Variants in DLGAP3 observed in about 807,000 individuals in gnomAD.
DLGAP3 encodes DLG associated protein 3, also known as disks large-associated protein 3.
DLGAP3 carries 17 observed loss-of-function variants against 81.2 expected under a neutral mutation model. That is an observed-to-expected ratio of 0.21 (90% CI 0.14 to 0.31). The LOEUF is 0.31. DLGAP3 is among the 10% of genes least tolerant of loss of function. The pLI, the probability that DLGAP3 is intolerant of heterozygous loss-of-function variation, is 1.00. For missense variants in DLGAP3, 1,124 were observed against 1,388.0 expected, an observed-to-expected ratio of 0.81 and a Z score of 3.02; for synonymous variants, 577 against 587.4, an observed-to-expected ratio of 0.98 and a Z score of 0.26.
chr1:34,906,016 T>TTATTTATATATATATATATATATA (rs1553123745), intron 2 of DLGAP3, among the ~76,000 whole-genome samples: 6 of 64,808 alleles, frequency 9.3e-5, no homozygotes, highest in Non-Finnish European at 1.7e-4. Flanking sequence ...GCCTCTAAAT[T>TTATTTATATATATATATATATATA]TATATATATA....
chr1:34,911,942 A>G (rs1639645953), intron 1 of DLGAP3, among the ~76,000 whole-genome samples: 1 of 152,170 alleles, frequency 6.6e-6, no homozygotes. Context: ...GCAAGTCACA[A>G]ACTCTCTTGA....
At chr1:34,891,199 T>C (rs931305205) in intron 5 of DLGAP3, among the ~76,000 whole-genome samples, 1 of 152,202 alleles carries the variant, frequency 6.6e-6, no homozygotes, top group Non-Finnish European at 1.5e-5. Flanking sequence ...AGCACGACTC[T>C]ATAGTATTCT....
In DLGAP3 at chr1:34,916,416, T is replaced by A. The variant is rs114399966; in HGVS notation, c.-134-8979A>T. ...GTCTAAGGTTAGGCTCCTGAATACC[T>A]ACAACTGTCCAGACCCAGTGTTAAG... On this transcript the variant is annotated intron_variant, in intron 1 of 11. Coordinates refer to ENST00000373347, the MANE Select transcript of DLGAP3 (RefSeq NM_001080418.3). 5.1e-3 allele frequency among the ~76,000 whole-genome samples: 781 copies of A among 152,348 alleles called. 6 individuals are homozygous for A. The highest frequency in any genetic ancestry group is 0.018 in the African/African-American group (742 of 41,582).
chr1:34,868,740 CG>C lies in DLGAP3; in HGVS notation c.2349del (p.Asp784ThrfsTer103). 6.2e-7 allele frequency: 1 copy of C among 1,608,586 alleles called. No homozygotes were observed. The stretch of plus-strand genomic sequence containing the variant: ...GGGCAGGGGGATGCGCGGCCTGAGT[CG>C]GGGAGGCTACGTGAACCGCGCTCTA... ...SWIERGSRSL[P>X]DSGRASPCPR... On this transcript the variant is annotated frameshift_variant, in exon 9 of 12. Transcript: ENST00000373347. LOFTEE classifies it high-confidence loss of function. The surrounding 1 kb of genome is among the most constrained non-coding windows in gnomAD (Gnocchi z 7.5).
rs1457038160 is a variant in DLGAP3, at chr1:34,867,217, A to G, written c.2578-26T>C. 5.0e-6 allele frequency: 8 copies of G among 1,613,938 alleles called. 1 individual carries two copies. Among genetic ancestry groups the G allele is most frequent in the South Asian group, 2.2e-5 (2 of 91,076 alleles). ...CTGCAACAGAGGAAGATGGAGGGAA[A>G]GTGATTGGTCAAGGAGGTCTGAGCC... On this transcript the variant is annotated intron_variant, in intron 10 of 11. Coordinates refer to ENST00000373347, the MANE Select transcript of DLGAP3 (RefSeq NM_001080418.3). The surrounding 1 kb of genome is among the most constrained non-coding windows in gnomAD (Gnocchi z 4.3).
At chr1:34,872,514 A>T (rs61776347) in intron 8 of DLGAP3, among the ~76,000 whole-genome samples, 48,903 of 152,122 alleles carry the variant, frequency 0.32, 8,680 homozygotes, top group Non-Finnish European at 0.42. Context: ...TAGGCAGAAT[A>T]ATAGCCACCA....
At position 34,868,567 on chromosome 1, in the gene DLGAP3, G is replaced by T; in HGVS notation, c.2485+38C>A. Reference sequence around the variant, plus strand: ...GTCTCCTGAGCACACACGAGGCCATGGTCCCCAGAGTCCCCTTGTTCCGAT... The same window carrying T: ...GTCTCCTGAGCACACACGAGGCCATTGTCCCCAGAGTCCCCTTGTTCCGAT... On this transcript the variant is annotated intron_variant, in intron 9 of 11. Transcript: ENST00000373347. The surrounding 1 kb of genome is among the most constrained non-coding windows in gnomAD (Gnocchi z 7.5). The T allele has an allele frequency of 6.4e-7, 1 of 1,569,760 alleles. No homozygotes were observed.
intron 1 of DLGAP3, among the ~76,000 whole-genome samples, chr1:34,915,893 C>G (rs1264709196): frequency 1.3e-5 from 2 of 152,214 alleles, no homozygotes. Flanking sequence ...CGGGTGTACT[C>G]TCTTCCAAGA....
At chr1:34,875,478 G>A (rs1466668178) in intron 8 of DLGAP3, among the ~76,000 whole-genome samples, 1 of 152,094 alleles carries the variant, frequency 6.6e-6, no homozygotes, top group Non-Finnish European at 1.5e-5. Context: ...GCATCCTGGT[G>A]GTTTTTGTTT....
chr1:34,910,370 G>A (rs564459416), intron 1 of DLGAP3, among the ~76,000 whole-genome samples: 40 of 152,214 alleles, frequency 2.6e-4, no homozygotes, highest in South Asian at 1.2e-3. Context: ...TTCTTACCCC[G>A]CTCCAATCCA....
At chr1:34,879,107 G>A (rs927127107) in intron 8 of DLGAP3, among the ~76,000 whole-genome samples, 3 of 151,454 alleles carry the variant, frequency 2.0e-5, no homozygotes, top group Non-Finnish European at 2.9e-5. Flanking sequence ...CAGAAGCTGC[G>A]GGGGGGCATA....
chr1:34,866,372 C>A, intron 11 of DLGAP3, 71 bp from the exon 12 acceptor site: 1 of 1,307,688 alleles, frequency 7.6e-7, no homozygotes, highest in Non-Finnish European at 1.0e-6. Context: ...GCCCCCGCAC[C>A]CCCGCGCCCA....
At position 34,900,181 on chromosome 1, in the gene DLGAP3, G is replaced by A. The variant is rs745578735; in HGVS notation, c.1200C>T (p.Ala400=). The A allele has an allele frequency of 1.2e-5, 20 of 1,614,020 alleles. No individual in the cohort carries two copies. In the East Asian group the frequency reaches 2.0e-4, roughly 16 times the overall value. ...AGTCTCCGCTCTCCTCATCCCCCAT[G>A]GCTTTGATGTAGCTGCCGCTCCGCA... ...RRMRSGSYIK[A]MGDEESGDSD... The change falls in exon 4 of 12, where the codon GCC becomes GCT. Residue 400 remains alanine, a synonymous_variant. Transcript: ENST00000373347. This position sits in a 1 kb window ranked among gnomAD's most constrained non-coding sequence, Gnocchi z 5.6.
Position 34,904,953 on chromosome 1 carries a change from C to T in DLGAP3, c.431G>A (p.Gly144Glu). The T allele has an allele frequency of 6.2e-7, 1 of 1,613,060 alleles. No homozygotes were observed. Among genetic ancestry groups the T allele is most frequent in the South Asian group, 1.1e-5 (1 of 91,044 alleles). ...DGFHTLPYQR[G>E]PAGAGPGPAP... ...TGGCCCGGGCCCTGCCCCTGCTGGC[C>T]CTCGCTGGTATGGTAGTGTGTGGAA... Residue 144 changes from glycine (G) to glutamate (E), a missense_variant, in exon 3 of 12, where the codon GGG becomes GAG. By Grantham distance (98) the Gly-to-Glu change is moderately conservative. Coordinates refer to ENST00000373347, the MANE Select transcript of DLGAP3 (RefSeq NM_001080418.3). The surrounding 1 kb of genome is among the most constrained non-coding windows in gnomAD (Gnocchi z 8.1).
In DLGAP3 at chr1:34,868,031, T is replaced by C. The variant is rs555117460; in HGVS notation, c.2486-404A>G. Among the ~76,000 whole-genome samples the C allele has an allele frequency of 6.6e-6, 1 of 152,348 alleles. No homozygotes were observed. The highest frequency in any genetic ancestry group is 2.1e-4 in the South Asian group (1 of 4,826). ...GCAAGACTCCTTGGCTCTTTAAGAA[T>C]GACCAAGTAATTTCATGTACATAAC... is the stretch of plus-strand genomic sequence containing the variant. On this transcript the variant is annotated intron_variant, in intron 9 of 11. Coordinates refer to ENST00000373347, the MANE Select transcript of DLGAP3 (RefSeq NM_001080418.3). This position sits in a 1 kb window ranked among gnomAD's most constrained non-coding sequence, Gnocchi z 7.5.
intron 11 of DLGAP3, among the ~76,000 whole-genome samples, chr1:34,866,628 A>G (rs1369921461): frequency 6.6e-6 from 1 of 152,212 alleles, no homozygotes; most frequent in Admixed American, 6.5e-5. Context: ...ATGAGGGTGC[A>G]CATACCAGGC....
chr1:34,868,737 A>G lies in DLGAP3; in HGVS notation c.2353T>C (p.Ser785Pro). ...CGTGGGCAGGGGGATGCGCGGCCTG[A>G]GTCGGGGAGGCTACGTGAACCGCGC... Reference protein sequence around the residue: ...IERGSRSLPDSGRASPCPRDG... With the variant: ...IERGSRSLPDPGRASPCPRDG... The change falls in exon 9 of 12, where the codon TCA becomes CCA. Residue 785 changes from serine to proline, a missense_variant. By Grantham distance (74) the Ser-to-Pro change is moderately conservative (BLOSUM62 -1). This residue lies in a region of DLGAP3 where 379 missense variants were observed against 455.7 expected (regional missense o/e 0.83). Transcript: ENST00000373347. This position sits in a 1 kb window ranked among gnomAD's most constrained non-coding sequence, Gnocchi z 7.5. 6.2e-7 allele frequency: 1 copy of G among 1,608,788 alleles called. No individual in the cohort carries two copies. Among genetic ancestry groups the G allele is most frequent in the Non-Finnish European group, 8.5e-7 (1 of 1,179,842 alleles).
In DLGAP3 at chr1:34,902,910, G is replaced by A. The variant is rs549578440; in HGVS notation, c.1107+1367C>T. 2.2e-4 allele frequency among the ~76,000 whole-genome samples: 34 copies of A among 152,120 alleles called. No individual in the cohort carries two copies. The highest frequency in any genetic ancestry group is 4.6e-4 in the Non-Finnish European group (31 of 68,002). ...CTATGGGGGAGAAAGGATGGGTGCT[G>A]CCTCCCTGCACCCTGCAGTTCCCAG... On this transcript the variant is annotated intron_variant, in intron 3 of 11. Transcript: ENST00000373347. This position sits in a 1 kb window ranked among gnomAD's most constrained non-coding sequence, Gnocchi z 4.4.
intron 5 of DLGAP3, among the ~76,000 whole-genome samples, chr1:34,896,504 G>A (rs1305004672): frequency 6.6e-6 from 1 of 151,824 alleles, no homozygotes; most frequent in Non-Finnish European, 1.5e-5. Flanking sequence ...CAGGAGAATC[G>A]CTTGAACCCG....
Sources: allele counts gnomAD v4.1 joint callset (sites outside exome capture counted in the v4.1 genomes callset), GRCh38; gene constraint gnomAD v4.1.1; regional missense constraint gnomAD v4.1.1; non-coding constraint Gnocchi (gnomAD v3.1); transcripts MANE v1.5; gene names NCBI Gene and HGNC (gene_info 2026-07-23, HGNC 2026-07-21).